Variants in ADCY10 observed in about 807,000 individuals in gnomAD.
ADCY10 encodes adenylate cyclase 10, also known as adenylate cyclase type 10.
Under a neutral mutation model 183.3 loss-of-function variants are expected in ADCY10, and 156 were observed. That is an observed-to-expected ratio of 0.85 (90% CI 0.75 to 0.97). The LOEUF (loss-of-function observed/expected upper bound fraction) is 0.97. Ranked by LOEUF, ADCY10 falls within the 50% of genes least tolerant of loss-of-function variation. The pLI is 0.00. For synonymous variants in ADCY10, 645 were observed against 670.0 expected, an observed-to-expected ratio of 0.96 and a Z score of 0.58; for missense variants, 1,745 against 1,934.3, an observed-to-expected ratio of 0.90 and a Z score of 1.84.
Position 167,824,643 on chromosome 1 carries a change from G to A in ADCY10, c.3955+8C>T, listed in dbSNP as rs1177593828. On this transcript the variant is annotated splice_region_variant and intron_variant, in intron 27 of 32. Coordinates refer to ENST00000367851, the MANE Select transcript of ADCY10 (RefSeq NM_018417.6). ...CCTCATGTCCCATCTTGCCCAGCCA[G>A]CCCTTACCTAACTCAATGGCCAAAT... 6.2e-7 allele frequency: 1 copy of A among 1,614,160 alleles called. No individual in the cohort carries two copies. Among genetic ancestry groups the A allele is most frequent in the Non-Finnish European group, 8.5e-7 (1 of 1,179,998 alleles).
intron 20 of ADCY10, 25 bp downstream of exon 20, chr1:167,845,960 T>C: frequency 6.2e-7 from 1 of 1,614,136 alleles, no homozygotes; most frequent in Non-Finnish European, 8.5e-7. Flanking sequence ...TAAGAGGAAA[T>C]TGGGTCACTC....
chr1:167,824,589 T>A lies in ADCY10; in HGVS notation c.3956-17A>T, dbSNP rs372644998. ...CTCGGGAGCCTGGGAAGAAAACAAT[T>A]CCAGTATATTGTGGGGCATTCCTTG... is the stretch of plus-strand genomic sequence containing the variant. On this transcript the variant is annotated splice_polypyrimidine_tract_variant and intron_variant, in intron 27 of 32. Coordinates refer to ENST00000367851, the MANE Select transcript of ADCY10 (RefSeq NM_018417.6). 6.8e-6 allele frequency: 11 copies of A among 1,613,908 alleles called. No homozygotes were observed. Among genetic ancestry groups the A allele is most frequent in the Non-Finnish European group, 9.3e-6 (11 of 1,179,946 alleles).
chr1:167,909,067 C>T, intron 1 of ADCY10, among the ~76,000 whole-genome samples: 1 of 152,208 alleles, frequency 6.6e-6, no homozygotes. Flanking sequence ...CTTCAAGTCA[C>T]TACCCTTCTC....
At chr1:167,909,407 T>C (rs1171374463) in intron 1 of ADCY10, among the ~76,000 whole-genome samples, 1 of 152,162 alleles carries the variant, frequency 6.6e-6, no homozygotes, top group Non-Finnish European at 1.5e-5. Flanking sequence ...AGGAGTGGAA[T>C]TGCTGGGTCA....
chr1:167,811,001 A>T, intron 31 of ADCY10, 88 bp from the exon 32 acceptor site: 1 of 1,247,436 alleles, frequency 8.0e-7, no homozygotes, highest in Non-Finnish European at 1.2e-6. Flanking sequence ...ATTTGGGAAC[A>T]TTTCAAGGAT....
intron 31 of ADCY10, among the ~76,000 whole-genome samples, chr1:167,815,669 A>T (rs1450286774): frequency 6.6e-6 from 1 of 152,212 alleles, no homozygotes; most frequent in African/African-American, 2.4e-5. Context: ...AAAGGCAAAA[A>T]CATAGTTTGA....
At chr1:167,901,563 C>T in intron 5 of ADCY10, 99 bp downstream of exon 5, 1 of 1,248,824 alleles carries the variant, frequency 8.0e-7, no homozygotes, top group South Asian at 1.2e-5. Context: ...TGGGGCTGAG[C>T]CACCATGTTC....
chr1:167,831,621 C>T (rs923418403), intron 25 of ADCY10, among the ~76,000 whole-genome samples: 2 of 152,154 alleles, frequency 1.3e-5, no homozygotes, highest in African/African-American at 4.8e-5. Context: ...CCAACAGCTC[C>T]TCAGTTTTTT....
chr1:167,883,396 TAA>T, intron 9 of ADCY10, 39 bp downstream of exon 9: 1 of 1,604,020 alleles, frequency 6.2e-7, no homozygotes, highest in Non-Finnish European at 8.5e-7. Flanking sequence ...AATGCTAACC[TAA>T]AACTATTGGT....
At chr1:167,822,381 T>G (rs1339922677) in intron 29 of ADCY10, among the ~76,000 whole-genome samples, 1 of 152,130 alleles carries the variant, frequency 6.6e-6, no homozygotes, top group Non-Finnish European at 1.5e-5. Flanking sequence ...ACCAGGCAGG[T>G]GTGGGGTTTA....
chr1:167,848,353 T>A lies in ADCY10; in HGVS notation c.2437+8A>T. The A allele has an allele frequency of 6.2e-7, 1 of 1,613,406 alleles. No individual in the cohort carries two copies. Among genetic ancestry groups the A allele is most frequent in the African/African-American group, 1.3e-5 (1 of 75,016 alleles). On this transcript the variant is annotated splice_region_variant and intron_variant, in intron 19 of 32. Coordinates refer to ENST00000367851, the MANE Select transcript of ADCY10 (RefSeq NM_018417.6). ...CGTGAGCCACTGCGCCCGGCCAGAT[T>A]TTCTTACCTTTTAATGACGTTGGAG...
chr1:167,901,162 T>C (rs994021050), intron 5 of ADCY10, among the ~76,000 whole-genome samples: 6 of 152,212 alleles, frequency 3.9e-5, no homozygotes, highest in African/African-American at 1.2e-4. Context: ...ACTATTACTA[T>C]ATTATATGTA....
intron 7 of ADCY10, among the ~76,000 whole-genome samples, chr1:167,896,184 A>G (rs1326775298): frequency 6.6e-6 from 1 of 152,246 alleles, no homozygotes; most frequent in Non-Finnish European, 1.5e-5. Context: ...GAGCACAGAC[A>G]TCAAGGTGCT....
At chr1:167,847,664 C>T (rs1486256633) in intron 19 of ADCY10, among the ~76,000 whole-genome samples, 1 of 152,066 alleles carries the variant, frequency 6.6e-6, no homozygotes, top group Non-Finnish European at 1.5e-5. Flanking sequence ...TCAAGTGATC[C>T]ACCCGACTTG....
chr1:167,848,740 TC>T lies in ADCY10; in HGVS notation c.2309-252del, dbSNP rs1212176840. Reference sequence around the variant, plus strand: ...ATCTTTGCTCACTGCAACCTCCGCCTCCCAGGTTCAAGCGATTCCTGCCTCA... The same window carrying T: ...ATCTTTGCTCACTGCAACCTCCGCCTCCAGGTTCAAGCGATTCCTGCCTCA... On this transcript the variant is annotated intron_variant, in intron 18 of 32. Transcript: ENST00000367851. 5.3e-5 allele frequency among the ~76,000 whole-genome samples: 8 copies of T among 152,168 alleles called. No homozygotes were observed. The East Asian group carries it at 1.5e-3, about 29-fold the overall frequency.
chr1:167,894,010 G>C, intron 7 of ADCY10, 69 bp from the exon 8 acceptor site: 1 of 1,070,498 alleles, frequency 9.3e-7, no homozygotes. Flanking sequence ...GTGAGAGGAG[G>C]CTCCCAGTCC....
intron 13 of ADCY10, among the ~76,000 whole-genome samples, chr1:167,872,848 G>A (rs6686454): frequency 0.049 from 7,410 of 151,130 alleles, 224 homozygotes; most frequent in Middle Eastern, 0.078. Context: ...AAGGCGGGCA[G>A]ATCACGAGAT....
chr1:167,827,328 C>T (rs1285482782), intron 26 of ADCY10, among the ~76,000 whole-genome samples: 3 of 134,166 alleles, frequency 2.2e-5, no homozygotes, highest in African/African-American at 5.7e-5. Flanking sequence ...CCACCACGCC[C>T]GGCTAATTTT....
At chr1:167,844,630 C>A (rs936219018) in intron 21 of ADCY10, among the ~76,000 whole-genome samples, 1 of 152,064 alleles carries the variant, frequency 6.6e-6, no homozygotes, top group African/African-American at 2.4e-5. Flanking sequence ...AAAATCTATA[C>A]AATGAAAACA....
Sources: allele counts gnomAD v4.1 joint callset (sites outside exome capture counted in the v4.1 genomes callset), GRCh38; gene constraint gnomAD v4.1.1; transcripts MANE v1.5; gene names NCBI Gene and HGNC (gene_info 2026-07-23, HGNC 2026-07-21).